Variants in SOCS6 observed in about 807,000 individuals in gnomAD.
The protein encoded by SOCS6 is suppressor of cytokine signaling 6.
SOCS6 carries 5 observed loss-of-function variants against 27.7 expected under a neutral mutation model. The ratio of observed to expected loss-of-function variants is 0.18; its 90% CI spans 0.09 to 0.38. The LOEUF is 0.38. Among genes scored for constraint, SOCS6 ranks in the 10% least tolerant of loss-of-function variants. The probability of loss-of-function intolerance (pLI) is 1.00; values close to 1 mark genes in which losing one functional copy is unlikely to be tolerated. For synonymous variants in SOCS6, 271 were observed against 260.0 expected, an observed-to-expected ratio of 1.04 and a Z score of -0.41; for missense variants, 595 against 688.1, an observed-to-expected ratio of 0.86 and a Z score of 1.51.
rs1027171602 is a variant in SOCS6 at position 70,327,101 on chromosome 18, A to C, written c.*825A>C. The C allele has an allele frequency of 1.8e-5, 3 of 166,926 alleles. No individual in the cohort carries two copies. Among genetic ancestry groups the C allele is most frequent in the African/African-American group, 7.2e-5 (3 of 41,462 alleles). 10.3% of individuals were successfully genotyped at this position (166,926 alleles called of 1,614,324 possible). A position where few individuals can be genotyped will look rare whatever the true frequency, so the allele number is the denominator to read the frequency against. ...TATGGAACTAGAATTATTATTAAAG[A>C]AATATTAGATGATCATAGCTTCCTG... On this transcript the variant is annotated 3_prime_UTR_variant, in exon 2 of 2. Coordinates refer to ENST00000397942, the MANE Select transcript of SOCS6 (RefSeq NM_004232.4).
intron 1 of SOCS6, among the ~76,000 whole-genome samples, chr18:70,308,930 G>C (rs1460415367): frequency 1.3e-5 from 2 of 152,216 alleles, no homozygotes; most frequent in African/African-American, 2.4e-5. Context: ...TAAGTGGTTT[G>C]TGTCTTTCTG....
At chr18:70,312,771 A>ATTTTTTTTTTTTTTTT in intron 1 of SOCS6, among the ~76,000 whole-genome samples, 1 of 121,984 alleles carries the variant, frequency 8.2e-6, no homozygotes, top group Non-Finnish European at 1.6e-5. Flanking sequence ...AATTCTTTGG[A>ATTTTTTTTTTTTTTTT]TTTTTTTTTT....
In SOCS6 at chr18:70,300,131, AT is replaced by A. The variant is rs373795477; in HGVS notation, c.-127+11052del. 8.8e-3 allele frequency among the ~76,000 whole-genome samples: 1,295 copies of A among 147,576 alleles called. 21 individuals are homozygous for A. Among genetic ancestry groups the A allele is most frequent in the African/African-American group, 0.029 (1,191 of 40,454 alleles). On this transcript the variant is annotated intron_variant, in intron 1 of 1. Coordinates refer to ENST00000397942, the MANE Select transcript of SOCS6 (RefSeq NM_004232.4). Reference sequence around the variant, plus strand: ...TGTGCAGTCATTTAATCAATTCTTTATTTTTTTTTTTCCTTAAGACTTAGTC... The same window carrying A: ...TGTGCAGTCATTTAATCAATTCTTTATTTTTTTTTTCCTTAAGACTTAGTC...
In SOCS6 at chr18:70,325,723, C is replaced by T. The variant is rs1379003768; in HGVS notation, c.1055C>T (p.Pro352Leu). The change falls in exon 2 of 2, where the codon CCT (proline) becomes CTT (leucine). Residue 352 changes from proline (P) to leucine (L), a missense_variant. Around this residue, in one of 2 missense-constraint regions of SOCS6, gnomAD observed 467 missense variants for 481.1 expected, o/e 0.97. Coordinates refer to ENST00000397942, the MANE Select transcript of SOCS6 (RefSeq NM_004232.4). The surrounding 1 kb of genome is among the most constrained non-coding windows in gnomAD (Gnocchi z 6.3). ...TTGAATTTTGATCCGAACTCTGCTC[C>T]TGGGGTTGCAAGAGTTTATGACTCA... ...CHLNFDPNSA[P>L]GVARVYDSVQ... 3 of 1,614,210 alleles carry T rather than the reference C, an allele frequency of 1.9e-6. No homozygotes were observed. Among genetic ancestry groups the T allele is most frequent in the South Asian group, 1.1e-5 (1 of 91,092 alleles).
At chr18:70,310,493 A>G (rs1181386782) in intron 1 of SOCS6, among the ~76,000 whole-genome samples, 1 of 127,356 alleles carries the variant, frequency 7.9e-6, no homozygotes, top group African/African-American at 3.0e-5. Flanking sequence ...TTTTTTGCAG[A>G]GACAGGATCT....
intron 1 of SOCS6, among the ~76,000 whole-genome samples, chr18:70,300,514 A>G (rs1350486934): frequency 6.6e-6 from 1 of 152,246 alleles, no homozygotes; most frequent in Admixed American, 6.5e-5. Flanking sequence ...CAGTTTAATA[A>G]TTGAATAAGA....
chr18:70,308,834 A>G (rs1186531803), intron 1 of SOCS6, among the ~76,000 whole-genome samples: 1 of 152,166 alleles, frequency 6.6e-6, no homozygotes, highest in Non-Finnish European at 1.5e-5. Context: ...CCCTGGTAAT[A>G]CTAAAAGTCT....
At chr18:70,289,865 C>G (rs2062291059) in intron 1 of SOCS6, among the ~76,000 whole-genome samples, 1 of 152,216 alleles carries the variant, frequency 6.6e-6, no homozygotes, top group African/African-American at 2.4e-5. Context: ...TTGGCAACTT[C>G]AGGTACACCC....
chr18:70,325,250 G>A lies in SOCS6; in HGVS notation c.582G>A (p.Ser194=), dbSNP rs577555556. 199 of 1,614,168 alleles carry A rather than the reference G, an allele frequency of 1.2e-4. 1 individual carries two copies. The South Asian group carries it at 1.9e-3, about 16-fold the overall frequency. Residue 194 remains serine (S), a synonymous_variant, in exon 2 of 2, where the codon TCG becomes TCA. Transcript: ENST00000397942. This position sits in a 1 kb window ranked among gnomAD's most constrained non-coding sequence, Gnocchi z 6.3. ...AGCAAGCCAATTCACTGAAGAGCTC[G>A]GCTTCTCATAATGGAGACCTGCATC... The part of the protein sequence containing the change: ...CQEQANSLKS[S]ASHNGDLHLH...
chr18:70,298,075 A>C (rs890125425), intron 1 of SOCS6, among the ~76,000 whole-genome samples: 1 of 152,182 alleles, frequency 6.6e-6, no homozygotes, highest in African/African-American at 2.4e-5. Flanking sequence ...TTAGTTTTAC[A>C]TGCATGTTGC....
chr18:70,307,722 A>G (rs966757581), intron 1 of SOCS6, among the ~76,000 whole-genome samples: 1 of 152,004 alleles, frequency 6.6e-6, no homozygotes, highest in Non-Finnish European at 1.5e-5. Context: ...TTGCTAATTT[A>G]TGTCTTCTCT....
intron 1 of SOCS6, among the ~76,000 whole-genome samples, chr18:70,294,812 G>GC (rs2062316318): frequency 6.6e-6 from 1 of 152,226 alleles, no homozygotes; most frequent in African/African-American, 2.4e-5. Flanking sequence ...TGCCGCACTT[G>GC]CCTTCTCTGC....
Position 70,325,247 on chromosome 18 carries a change from C to G in SOCS6, c.579C>G (p.Ser193Arg). 6.2e-7 allele frequency: 1 copy of G among 1,614,180 alleles called. No homozygotes were observed. The highest frequency in any genetic ancestry group is 8.5e-7 in the Non-Finnish European group (1 of 1,180,014). Reference sequence around the variant, plus strand: ...AGGAGCAAGCCAATTCACTGAAGAGCTCGGCTTCTCATAATGGAGACCTGC... The same window carrying G: ...AGGAGCAAGCCAATTCACTGAAGAGGTCGGCTTCTCATAATGGAGACCTGC... The part of the protein sequence containing the change: ...TCQEQANSLK[S>R]SASHNGDLHL... The change falls in exon 2 of 2, where the codon AGC becomes AGG. Residue 193 changes from serine to arginine, a missense_variant. This residue lies in a region of SOCS6 where 467 missense variants were observed against 481.1 expected (regional missense o/e 0.97). Coordinates refer to ENST00000397942, the MANE Select transcript of SOCS6 (RefSeq NM_004232.4). The surrounding 1 kb of genome is among the most constrained non-coding windows in gnomAD (Gnocchi z 6.3).
At chr18:70,321,852 T>TGTTG (rs1911006475) in intron 1 of SOCS6, among the ~76,000 whole-genome samples, 1 of 152,240 alleles carries the variant, frequency 6.6e-6, no homozygotes, top group Non-Finnish European at 1.5e-5. Flanking sequence ...CTGGATCTGC[T>TGTTG]GTTGCTAGTA....
chr18:70,300,024 A>C (rs1343003452), intron 1 of SOCS6, among the ~76,000 whole-genome samples: 1 of 152,226 alleles, frequency 6.6e-6, no homozygotes, highest in Non-Finnish European at 1.5e-5. Flanking sequence ...TATACGTATA[A>C]AGACAGTGAT....
chr18:70,315,886 T>C (rs1390942890), intron 1 of SOCS6, among the ~76,000 whole-genome samples: 1 of 152,164 alleles, frequency 6.6e-6, no homozygotes, highest in Non-Finnish European at 1.5e-5. Flanking sequence ...GTGGTTTTTT[T>C]TGAGATGGAG....
At chr18:70,320,941 A>G (rs1334422804) in intron 1 of SOCS6, among the ~76,000 whole-genome samples, 3 of 152,182 alleles carry the variant, frequency 2.0e-5, no homozygotes. Flanking sequence ...TGAAAATGTT[A>G]TTTATGTTAA....
intron 1 of SOCS6, among the ~76,000 whole-genome samples, chr18:70,316,789 T>C (rs531172952): frequency 3.2e-4 from 49 of 152,318 alleles, no homozygotes; most frequent in African/African-American, 1.2e-3. Context: ...CTTTAAACAT[T>C]TTATTTTAAA....
chr18:70,302,525 A>G (rs570330254), intron 1 of SOCS6, among the ~76,000 whole-genome samples: 30 of 152,252 alleles, frequency 2.0e-4, no homozygotes, highest in African/African-American at 7.2e-4. Context: ...ATTTAGCTCT[A>G]TGGGTGCAGG....
Sources: allele counts gnomAD v4.1 joint callset (sites outside exome capture counted in the v4.1 genomes callset), GRCh38; gene constraint gnomAD v4.1.1; regional missense constraint gnomAD v4.1.1; non-coding constraint Gnocchi (gnomAD v3.1); transcripts MANE v1.5; gene names NCBI Gene and HGNC (gene_info 2026-07-23, HGNC 2026-07-21).